Variants in SPOCK3 observed in about 807,000 individuals in gnomAD.
The protein encoded by SPOCK3 is SPARC (osteonectin), cwcv and kazal like domains proteoglycan 3.
A neutral mutation model predicts 56.6 loss-of-function variants in SPOCK3; 30 were observed. The observed-to-expected ratio is 0.53, with a 90% confidence interval of 0.40 to 0.72. SPOCK3 has a LOEUF of 0.72. Ranked by LOEUF, SPOCK3 falls within the 30% of genes least tolerant of loss-of-function variation. SPOCK3 has a pLI of 0.00. For synonymous variants in SPOCK3, 196 were observed against 183.3 expected, an observed-to-expected ratio of 1.07 and a Z score of -0.56; for missense variants, 527 against 530.0, an observed-to-expected ratio of 0.99 and a Z score of 0.06.
chr4:166,865,163 A>G (rs1213929787), intron 6 of SPOCK3, among the ~76,000 whole-genome samples: 1 of 152,224 alleles, frequency 6.6e-6, no homozygotes, highest in African/African-American at 2.4e-5. Flanking sequence ...TCACATAAAC[A>G]GAACCAATGA....
chr4:166,947,684 A>G (rs544316545), intron 4 of SPOCK3, among the ~76,000 whole-genome samples: 21 of 152,296 alleles, frequency 1.4e-4, no homozygotes, highest in Middle Eastern at 3.4e-3. Context: ...AGATTGTACT[A>G]AAACATTCTC....
chr4:167,195,481 C>A (rs1732853944), intron 2 of SPOCK3, among the ~76,000 whole-genome samples: 1 of 152,124 alleles, frequency 6.6e-6, no homozygotes, highest in Non-Finnish European at 1.5e-5. Context: ...GCTCTGGGAC[C>A]AGGTTAGTGG....
At chr4:167,050,428 A>C (rs1754094270) in intron 3 of SPOCK3, among the ~76,000 whole-genome samples, 1 of 152,158 alleles carries the variant, frequency 6.6e-6, no homozygotes. Flanking sequence ...GATGAGGAAA[A>C]ATTGGAACCC....
At chr4:167,113,431 T>G (rs1761074839) in intron 2 of SPOCK3, among the ~76,000 whole-genome samples, 1 of 151,964 alleles carries the variant, frequency 6.6e-6, no homozygotes, top group Non-Finnish European at 1.5e-5. Context: ...AAACACAAGT[T>G]TGCATAAGTA....
chr4:167,066,054 AATAACT>A (rs1756097406), intron 2 of SPOCK3, among the ~76,000 whole-genome samples: 2 of 151,974 alleles, frequency 1.3e-5, no homozygotes, highest in East Asian at 1.9e-4. Flanking sequence ...TTACAGAAAT[AATAACT>A]ATAAGTTTTC....
chr4:167,185,478 C>T lies in SPOCK3; in HGVS notation c.189+48507G>A, dbSNP rs535670772. Reference sequence around the variant, plus strand: ...ATCTTAACTTTTTTTTCTCATTCCTCTGCCTTCTTCCCTTTCTTTTTTCTT... The same window carrying T: ...ATCTTAACTTTTTTTTCTCATTCCTTTGCCTTCTTCCCTTTCTTTTTTCTT... On this transcript the variant is annotated intron_variant, in intron 2 of 10. Transcript: ENST00000357545. 1.2e-3 allele frequency among the ~76,000 whole-genome samples: 176 copies of T among 152,206 alleles called. 1 individual carries two copies. The highest frequency in any genetic ancestry group is 2.3e-3 in the Non-Finnish European group (154 of 68,008).
chr4:167,119,947 T>C (rs1761730921), intron 2 of SPOCK3: 1 of 933,030 alleles, frequency 1.1e-6, no homozygotes, highest in Non-Finnish European at 1.6e-6. Flanking sequence ...CCCTTTCTGA[T>C]GAAAATAGCT....
intron 4 of SPOCK3, among the ~76,000 whole-genome samples, chr4:166,978,024 G>C (rs1247183401): frequency 6.6e-6 from 1 of 152,156 alleles, no homozygotes; most frequent in Non-Finnish European, 1.5e-5. Context: ...AAAACAAAGA[G>C]TGAGTCTTCT....
chr4:166,835,717 A>G (rs765284892), intron 6 of SPOCK3, among the ~76,000 whole-genome samples: 2 of 152,210 alleles, frequency 1.3e-5, no homozygotes, highest in Non-Finnish European at 2.9e-5. Context: ...CGTTCAAAAA[A>G]TTCTGTTTTG....
At chr4:166,900,917 G>T (rs565350304) in intron 5 of SPOCK3, among the ~76,000 whole-genome samples, 2 of 152,278 alleles carry the variant, frequency 1.3e-5, no homozygotes, top group South Asian at 4.1e-4. Flanking sequence ...AGAGGGGCAA[G>T]ATACATTCAT....
At chr4:167,105,526 G>A (rs889317841) in intron 2 of SPOCK3, among the ~76,000 whole-genome samples, 10 of 131,510 alleles carry the variant, frequency 7.6e-5, no homozygotes, top group Non-Finnish European at 1.5e-4. Context: ...AAGAAAGATA[G>A]GAAGGAAGAA....
chr4:167,129,752 A>G (rs1050654918), intron 2 of SPOCK3, among the ~76,000 whole-genome samples: 10 of 152,204 alleles, frequency 6.6e-5, no homozygotes, highest in African/African-American at 2.4e-4. Flanking sequence ...TCACAGTGAA[A>G]GAACCTAGAT....
At chr4:166,850,093 A>G (rs1346695939) in intron 6 of SPOCK3, among the ~76,000 whole-genome samples, 20 of 152,210 alleles carry the variant, frequency 1.3e-4, no homozygotes, top group Admixed American at 1.3e-3. Context: ...TTGCAGGGGT[A>G]TATCCCAGAA....
chr4:167,070,107 G>A (rs1312350203), intron 2 of SPOCK3, among the ~76,000 whole-genome samples: 4 of 151,906 alleles, frequency 2.6e-5, no homozygotes, highest in Admixed American at 6.6e-5. Context: ...ATAGGTCCTA[G>A]TCTCAAATTC....
chr4:166,803,851 C>A (rs1217006583), intron 6 of SPOCK3, among the ~76,000 whole-genome samples: 2 of 152,092 alleles, frequency 1.3e-5, no homozygotes, highest in Admixed American at 1.3e-4. Flanking sequence ...TCTAATTAAT[C>A]TGAATGTATA....
intron 6 of SPOCK3, among the ~76,000 whole-genome samples, chr4:166,884,275 C>T (rs1161624595): frequency 1.3e-5 from 2 of 151,776 alleles, no homozygotes; most frequent in African/African-American, 2.4e-5. Context: ...ATGGCGTGAA[C>T]CCGGGAGGTG....
At chr4:166,788,708 GA>G (rs1423566755) in intron 7 of SPOCK3, among the ~76,000 whole-genome samples, 2 of 151,376 alleles carry the variant, frequency 1.3e-5, no homozygotes, top group Non-Finnish European at 2.9e-5. Flanking sequence ...ATTTTCTTAG[GA>G]AAAATCATGA....
chr4:166,824,320 C>T (rs1226451060), intron 6 of SPOCK3, among the ~76,000 whole-genome samples: 1 of 152,068 alleles, frequency 6.6e-6, no homozygotes, highest in African/African-American at 2.4e-5. Flanking sequence ...AAAGTAGAGC[C>T]TTTGGAACAT....
chr4:166,899,496 A>AGTTC (rs1735792553), intron 5 of SPOCK3, among the ~76,000 whole-genome samples: 2 of 98,610 alleles, frequency 2.0e-5, no homozygotes, highest in South Asian at 3.9e-4. Context: ...TGTTCAGTGT[A>AGTTC]TTTCTTTCTT....
Sources: gnomAD v4.1 joint callset for allele counts (sites outside exome capture counted in the v4.1 genomes callset) on GRCh38, gnomAD v4.1.1 for gene constraint, MANE v1.5 for transcripts, NCBI Gene and HGNC (gene_info 2026-07-23, HGNC 2026-07-21) for gene names.